TRIM44: variants seen among roughly 807,000 people sequenced by gnomAD.
The protein encoded by TRIM44 is tripartite motif containing 44.
In TRIM44, 13 loss-of-function variants were observed where a neutral mutation model predicts 37.4. The ratio of observed to expected loss-of-function variants is 0.35; its 90% CI spans 0.23 to 0.55. The LOEUF is 0.55. TRIM44 is among the 20% of genes least tolerant of loss of function. The pLI is 0.89. For synonymous variants in TRIM44, 175 were observed against 157.2 expected, an observed-to-expected ratio of 1.11 and a Z score of -0.85; for missense variants, 426 against 437.2, an observed-to-expected ratio of 0.97 and a Z score of 0.23.
intron 4 of TRIM44, among the ~76,000 whole-genome samples, chr11:35,754,221 T>C (rs1852596000): frequency 6.6e-6 from 1 of 152,172 alleles, no homozygotes; most frequent in Non-Finnish European, 1.5e-5. Flanking sequence ...AGAGGCATGC[T>C]AATATCACTG....
intron 4 of TRIM44, among the ~76,000 whole-genome samples, chr11:35,771,879 G>A (rs1035644736): frequency 4.6e-5 from 7 of 152,158 alleles, no homozygotes; most frequent in Admixed American, 2.6e-4. Context: ...AAGGGGAGCC[G>A]AATGTTAATC....
At chr11:35,754,812 T>A (rs1852610540) in intron 4 of TRIM44, among the ~76,000 whole-genome samples, 1 of 152,186 alleles carries the variant, frequency 6.6e-6, no homozygotes, top group Non-Finnish European at 1.5e-5. Context: ...GCTTCATCCA[T>A]GTCCCTACAA....
At chr11:35,697,066 CT>C (rs950339584) in intron 2 of TRIM44, among the ~76,000 whole-genome samples, 69 of 148,796 alleles carry the variant, frequency 4.6e-4, no homozygotes, top group South Asian at 3.8e-3. Flanking sequence ...TTTCATAAAC[CT>C]TTTTTTTTTA....
intron 4 of TRIM44, among the ~76,000 whole-genome samples, chr11:35,751,536 C>CG (rs1369717889): frequency 6.6e-6 from 1 of 152,118 alleles, no homozygotes; most frequent in Non-Finnish European, 1.5e-5. Context: ...TCAATTTTCT[C>CG]ATCAGTCATA....
At chr11:35,778,542 A>G (rs1457565766) in intron 4 of TRIM44, among the ~76,000 whole-genome samples, 3 of 151,980 alleles carry the variant, frequency 2.0e-5, no homozygotes, top group African/African-American at 7.3e-5. Context: ...GAGGTGCTCT[A>G]ATTTTTAGAA....
At chr11:35,776,175 A>G (rs1182919022) in intron 4 of TRIM44, among the ~76,000 whole-genome samples, 1 of 151,242 alleles carries the variant, frequency 6.6e-6, no homozygotes, top group African/African-American at 2.4e-5. Flanking sequence ...CAGGGATTCA[A>G]CTTCTAGTCT....
At chr11:35,693,841 A>G (rs1163120033) in intron 2 of TRIM44, among the ~76,000 whole-genome samples, 4 of 152,152 alleles carry the variant, frequency 2.6e-5, no homozygotes, top group Non-Finnish European at 5.9e-5. Context: ...ACCATTTGAC[A>G]TTCTGGAGAT....
intron 2 of TRIM44, among the ~76,000 whole-genome samples, chr11:35,711,257 A>C (rs1851967810): frequency 6.6e-6 from 1 of 152,160 alleles, no homozygotes; most frequent in African/African-American, 2.4e-5. Context: ...CAGTTTTTTC[A>C]ACCATTCACT....
Position 35,799,627 on chromosome 11 carries a change from T to C in TRIM44, c.1008-6731T>C, listed in dbSNP as rs1000134061. 2.0e-5 allele frequency among the ~76,000 whole-genome samples: 3 copies of C among 152,366 alleles called. No homozygotes were observed. The East Asian group carries it at 5.8e-4, about 29-fold the overall frequency. ...GTTCATTTCTGGGGGTTCTAGAGTC[T>C]GATTGCTTAACCTAGTTCTATTATT... On this transcript the variant is annotated intron_variant, in intron 4 of 4. Transcript: ENST00000299413.
Position 35,811,788 on chromosome 11 carries a change from C to G in TRIM44, c.*5403C>G, listed in dbSNP as rs1008724843. ...CTCTCCTCTAAATTTTCTTTTAACA[C>G]ATTTATCTTCATCAGACCCTTTTAG... On this transcript the variant is annotated 3_prime_UTR_variant, in exon 5 of 5. Transcript: ENST00000299413. 5 of 152,200 alleles carry G rather than the reference C, an allele frequency of 3.3e-5. No homozygotes were observed. Among genetic ancestry groups the G allele is most frequent in the Non-Finnish European group, 5.9e-5 (4 of 68,042 alleles). 9.4% of individuals were successfully genotyped at this position (152,200 alleles called of 1,614,324 possible).
intron 4 of TRIM44, among the ~76,000 whole-genome samples, chr11:35,762,182 C>G (rs1481857382): frequency 6.6e-6 from 1 of 152,160 alleles, no homozygotes; most frequent in Non-Finnish European, 1.5e-5. Context: ...CTGGGACATT[C>G]CCCAATATAA....
intron 3 of TRIM44, among the ~76,000 whole-genome samples, chr11:35,731,691 G>T (rs1224207916): frequency 6.6e-6 from 1 of 151,844 alleles, no homozygotes; most frequent in Non-Finnish European, 1.5e-5. Flanking sequence ...AAAAATTGGT[G>T]TGTCTTTATT....
At chr11:35,668,774 C>T (rs112170948) in intron 1 of TRIM44, among the ~76,000 whole-genome samples, 6 of 152,292 alleles carry the variant, frequency 3.9e-5, no homozygotes, top group African/African-American at 1.4e-4. Flanking sequence ...GTATTTTTGA[C>T]TATGGACTCA....
intron 1 of TRIM44, among the ~76,000 whole-genome samples, chr11:35,672,096 T>C (rs895112275): frequency 6.6e-6 from 1 of 152,206 alleles, no homozygotes; most frequent in African/African-American, 2.4e-5. Flanking sequence ...CAGAGATACA[T>C]TTAATGAATT....
rs11827576 is a variant in TRIM44 at position 35,804,305 on chromosome 11, T to C, written c.1008-2053T>C. On this transcript the variant is annotated intron_variant, in intron 4 of 4. Transcript: ENST00000299413. ...TCCCCAAGCCACTCTCCAAATATTA[T>C]AGTAAAGAACCTGGCAACCAAAAAG... is the stretch of plus-strand genomic sequence containing the variant. Among the ~76,000 whole-genome samples the C allele has an allele frequency of 1.9e-3, 291 of 152,324 alleles. 2 individuals carry two copies. Among genetic ancestry groups the C allele is most frequent in the African/African-American group, 6.5e-3 (269 of 41,578 alleles).
intron 4 of TRIM44, among the ~76,000 whole-genome samples, chr11:35,754,320 G>A (rs1852598157): frequency 1.3e-5 from 2 of 152,034 alleles, no homozygotes; most frequent in Non-Finnish European, 2.9e-5. Flanking sequence ...AAACATTCTG[G>A]ATGTAGTACA....
intron 2 of TRIM44, among the ~76,000 whole-genome samples, chr11:35,722,376 C>T (rs1564977555): frequency 2.0e-5 from 3 of 151,976 alleles, no homozygotes; most frequent in African/African-American, 2.4e-5. Context: ...ATCTTGCTCA[C>T]GAAAGAATTC....
At chr11:35,666,742 C>G (rs893158604) in intron 1 of TRIM44, among the ~76,000 whole-genome samples, 1 of 152,216 alleles carries the variant, frequency 6.6e-6, no homozygotes, top group South Asian at 2.1e-4. Context: ...CTGGTCGACA[C>G]GGCAAGACCC....
intron 4 of TRIM44, among the ~76,000 whole-genome samples, chr11:35,799,042 C>T (rs1482129859): frequency 1.3e-5 from 2 of 152,150 alleles, no homozygotes; most frequent in East Asian, 3.8e-4. Flanking sequence ...TGATTCTATT[C>T]TAAATCCAGC....
Sources: gnomAD v4.1 joint callset for allele counts (sites outside exome capture counted in the v4.1 genomes callset) on GRCh38, gnomAD v4.1.1 for gene constraint, MANE v1.5 for transcripts, NCBI Gene and HGNC (gene_info 2026-07-23, HGNC 2026-07-21) for gene names.